The following AFF4 variants were observed in gnomAD, a reference collection of about 807,000 sequenced individuals.
The protein encoded by AFF4 is ALF transcription elongation factor 4, also known as AF4/FMR2 family member 4.
AFF4 carries 13 observed loss-of-function variants against 124.8 expected under a neutral mutation model. The ratio of observed to expected loss-of-function variants is 0.10; its 90% CI spans 0.07 to 0.17. AFF4 has a LOEUF of 0.17. AFF4 is among the 10% of genes least tolerant of loss of function. The pLI is 1.00. For missense variants in AFF4, 1,092 were observed against 1,403.8 expected (o/e 0.78, Z 3.55); for synonymous variants, 477 against 496.1 (o/e 0.96, Z 0.51).
In AFF4 at chr5:132,896,508, G is replaced by C. The variant is rs535607337; in HGVS notation, c.2122C>G (p.Pro708Ala). 44 of 1,614,162 alleles carry C rather than the reference G, an allele frequency of 2.7e-5. No individual in the cohort carries two copies. In the South Asian group the frequency reaches 4.1e-4, roughly 15 times the overall value. The change falls in exon 11 of 21, where the codon CCT becomes GCT. Residue 708 changes from proline to alanine, a missense_variant. Coordinates refer to ENST00000265343, the MANE Select transcript of AFF4 (RefSeq NM_014423.4). ...EKELLSPLSE[P>A]DDRYPLIVKI... ...ACAATAAGTGGGTACCTGTCATCAG[G>C]CTCACTGAGGGGTGAAAGAAGTTCC...
intron 5 of AFF4, among the ~76,000 whole-genome samples, chr5:132,917,627 G>A (rs1304804348): frequency 1.3e-5 from 2 of 151,042 alleles, no homozygotes; most frequent in African/African-American, 4.9e-5. Context: ...CTACAAAAAT[G>A]CTATTAAGTA....
chr5:132,940,613 A>T (rs1047622720), intron 1 of AFF4, among the ~76,000 whole-genome samples: 1 of 152,246 alleles, frequency 6.6e-6, no homozygotes, highest in Non-Finnish European at 1.5e-5. Context: ...AAAATAGGTG[A>T]TTCCTATAAT....
intron 17 of AFF4, 52 bp downstream of exon 17, chr5:132,887,469 T>C (rs1561479885): frequency 1.3e-6 from 2 of 1,487,800 alleles, no homozygotes; most frequent in Non-Finnish European, 1.9e-6. Flanking sequence ...CACAGCACTA[T>C]TTATTATAGA....
intron 17 of AFF4, among the ~76,000 whole-genome samples, chr5:132,887,179 G>A (rs973427205): frequency 6.6e-6 from 1 of 152,118 alleles, no homozygotes; most frequent in East Asian, 1.9e-4. Context: ...CCTTTATTCT[G>A]AACAAACTAG....
At chr5:132,921,462 CT>C (rs759442039) in intron 5 of AFF4, among the ~76,000 whole-genome samples, 23 of 129,570 alleles carry the variant, frequency 1.8e-4, no homozygotes, top group African/African-American at 3.1e-4. Context: ...CAGTTGTTTT[CT>C]TTTTTTTTTC....
chr5:132,895,779 AT>A (rs889028673), intron 11 of AFF4, among the ~76,000 whole-genome samples: 1 of 152,174 alleles, frequency 6.6e-6, no homozygotes, highest in Non-Finnish European at 1.5e-5. Flanking sequence ...AAATATACAA[AT>A]TTTGCCTCTA....
intron 1 of AFF4, among the ~76,000 whole-genome samples, chr5:132,962,882 G>A (rs367703729): frequency 6.6e-5 from 10 of 151,412 alleles, no homozygotes; most frequent in Non-Finnish European, 1.0e-4. Flanking sequence ...GAACTAGCTG[G>A]GTAATGTTAG....
intron 1 of AFF4, among the ~76,000 whole-genome samples, chr5:132,940,802 G>A (rs1353788995): frequency 3.3e-5 from 5 of 152,012 alleles, no homozygotes; most frequent in East Asian, 1.9e-4. Flanking sequence ...CGAGGCAGGC[G>A]GATGACCTGA....
chr5:132,951,439 T>G (rs1003053116), intron 1 of AFF4, among the ~76,000 whole-genome samples: 3 of 152,250 alleles, frequency 2.0e-5, no homozygotes, highest in African/African-American at 7.2e-5. Context: ...TGCTGTGTAC[T>G]TCTCCTGATC....
intron 5 of AFF4, among the ~76,000 whole-genome samples, chr5:132,906,625 A>G (rs906509923): frequency 1.3e-5 from 2 of 152,218 alleles, no homozygotes; most frequent in South Asian, 2.1e-4. Context: ...GGAAAGAGGG[A>G]TAACAGCTAA....
intron 1 of AFF4, among the ~76,000 whole-genome samples, chr5:132,956,581 G>A (rs1318518045): frequency 6.8e-6 from 1 of 148,082 alleles, no homozygotes; most frequent in Non-Finnish European, 1.5e-5. Context: ...GCAGTGAGCC[G>A]AGATCATGCC....
chr5:132,934,392 G>T lies in AFF4; in HGVS notation c.673C>A (p.Arg225Ser), dbSNP rs141402018. ...TGCTGCCCACTTGAAAAAGGTACAC[G>T]GGAAGGAGAATCCCAGTTTGCATCA... Reference protein sequence around the residue: ...DPDANWDSPSRVPFSSGQHST... With the variant: ...DPDANWDSPSSVPFSSGQHST... The change falls in exon 3 of 21, where the codon CGT becomes AGT. Residue 225 changes from arginine to serine, a missense_variant. Around this residue, in one of 11 missense-constraint regions of AFF4, gnomAD observed 188 missense variants for 203.0 expected, o/e 0.93. Coordinates refer to ENST00000265343, the MANE Select transcript of AFF4 (RefSeq NM_014423.4). 6.2e-7 allele frequency: 1 copy of T among 1,614,020 alleles called. No homozygotes were observed. Among genetic ancestry groups the T allele is most frequent in the African/African-American group, 1.3e-5 (1 of 74,900 alleles).
At chr5:132,923,371 GGAGAGAGAGAGAGA>G (rs72156570) in intron 5 of AFF4, among the ~76,000 whole-genome samples, 1 of 148,362 alleles carries the variant, frequency 6.7e-6, no homozygotes, top group Admixed American at 6.8e-5. Flanking sequence ...AGGAAAGAAA[GGAGAGAGAGAGAGA>G]GAGAGAGAGA....
intron 7 of AFF4, among the ~76,000 whole-genome samples, chr5:132,900,483 C>T (rs1356646608): frequency 6.6e-6 from 1 of 152,028 alleles, no homozygotes; most frequent in East Asian, 1.9e-4. Context: ...TTGCTTGAAC[C>T]CGGGAGCTGG....
At chr5:132,954,543 GCT>G (rs1284322566) in intron 1 of AFF4, among the ~76,000 whole-genome samples, 3 of 133,880 alleles carry the variant, frequency 2.2e-5, no homozygotes, top group Admixed American at 7.3e-5. Context: ...TACAAACAAT[GCT>G]CTTTTTTTTT....
chr5:132,878,072 A>G lies in AFF4; in HGVS notation c.*2987T>C, dbSNP rs899971080. The G allele has an allele frequency of 1.3e-5, 3 of 223,990 alleles. No homozygotes were observed. The highest frequency in any genetic ancestry group is 6.7e-5 in the African/African-American group (3 of 44,812). The allele number at this position is 223,990 out of a possible 1,614,324, so 13.9% of individuals were successfully genotyped here. On this transcript the variant is annotated 3_prime_UTR_variant, in exon 21 of 21. Coordinates refer to ENST00000265343, the MANE Select transcript of AFF4 (RefSeq NM_014423.4). ...AGTTTATCTGAAGTACTCACTGCATATAAAGTCACTTCTTGGCTACTTGCC... is the reference window on the plus strand; with the variant it reads ...AGTTTATCTGAAGTACTCACTGCATGTAAAGTCACTTCTTGGCTACTTGCC...
At chr5:132,909,445 C>T (rs911239629) in intron 5 of AFF4, among the ~76,000 whole-genome samples, 11 of 152,168 alleles carry the variant, frequency 7.2e-5, no homozygotes, top group African/African-American at 2.2e-4. Flanking sequence ...AATAGGCCAA[C>T]ATCATCTTTA....
At chr5:132,931,557 A>AC (rs1761300955) in intron 4 of AFF4, among the ~76,000 whole-genome samples, 1 of 152,266 alleles carries the variant, frequency 6.6e-6, no homozygotes, top group Non-Finnish European at 1.5e-5. Flanking sequence ...AGTTTTTTGC[A>AC]CTTCAAATTA....
chr5:132,905,054 A>AG (rs1760640882), intron 5 of AFF4, among the ~76,000 whole-genome samples: 1 of 151,772 alleles, frequency 6.6e-6, no homozygotes, highest in African/African-American at 2.4e-5. Flanking sequence ...ATCTCAAAAA[A>AG]AAAAAAAAAA....
Sources: allele counts gnomAD v4.1 joint callset (sites outside exome capture counted in the v4.1 genomes callset), GRCh38; gene constraint gnomAD v4.1.1; regional missense constraint gnomAD v4.1.1; transcripts MANE v1.5; gene names NCBI Gene and HGNC (gene_info 2026-07-23, HGNC 2026-07-21).